The following CRYBA4 variants were observed in gnomAD, a reference collection of about 807,000 sequenced individuals.
CRYBA4 encodes the protein beta-crystallin A4.
CRYBA4 carries 30 observed loss-of-function variants against 31.7 expected under a neutral mutation model. That is an observed-to-expected ratio of 0.95 (90% CI 0.71 to 1.28). The LOEUF (loss-of-function observed/expected upper bound fraction) is 1.28. Ranked by LOEUF, CRYBA4 falls within the 50% of genes most tolerant of loss-of-function variation. CRYBA4 has a pLI of 0.00. For synonymous variants in CRYBA4, 102 were observed against 102.3 expected (o/e 1.00, Z 0.02); for missense variants, 225 against 260.7 (o/e 0.86, Z 0.94).
upstream of CRYBA4, chr22:26,618,024 C>G (rs1929413895): frequency 6.5e-6 from 1 of 153,306 alleles, no homozygotes; most frequent in Non-Finnish European, 1.5e-5. Flanking sequence ...CGGGCAGGTG[C>G]TATGGGTGAC....
At chr22:26,615,640 A>G in the CRYBA4 span, among the ~76,000 whole-genome samples, 1 of 151,762 alleles carries the variant, frequency 6.6e-6, no homozygotes, top group Non-Finnish European at 1.5e-5. Context: ...CAGCCTCCCA[A>G]GTAGCTGGGA....
the CRYBA4 span, chr22:26,601,879 G>C: frequency 6.2e-7 from 1 of 1,611,930 alleles, no homozygotes; most frequent in African/African-American, 1.3e-5. Flanking sequence ...GGATGCTTAC[G>C]TTCCACTGGA....
the CRYBA4 span, among the ~76,000 whole-genome samples, chr22:26,595,579 CAAA>C: frequency 1.0e-4 from 13 of 126,182 alleles, no homozygotes; most frequent in Non-Finnish European, 1.0e-4. Flanking sequence ...AACTCCGTCT[CAAA>C]AAAAAAAAAA....
chr22:26,616,792 T>C, the CRYBA4 span, among the ~76,000 whole-genome samples: 1 of 152,178 alleles, frequency 6.6e-6, no homozygotes, highest in African/African-American at 2.4e-5. Context: ...GAGTAGCTGC[T>C]ATCATGATCC....
At chr22:26,604,140 G>A in the CRYBA4 span, among the ~76,000 whole-genome samples, 2 of 11,684 alleles carry the variant, frequency 1.7e-4, no homozygotes, top group Admixed American at 2.2e-3. Flanking sequence ...ACAGGAAATA[G>A]CAGAGTGATG....
At chr22:26,598,620 G>A in the CRYBA4 span, among the ~76,000 whole-genome samples, 23 of 152,176 alleles carry the variant, frequency 1.5e-4, no homozygotes, top group Non-Finnish European at 4.4e-5. Context: ...CTGACTTCAA[G>A]TGATCTACCC....
the CRYBA4 span, chr22:26,601,973 C>G: frequency 2.0e-5 from 32 of 1,613,582 alleles, no homozygotes; most frequent in Non-Finnish European, 2.6e-5. Flanking sequence ...ATGGTGTTGC[C>G]CTTGAAGTTG....
At chr22:26,628,706 C>T (rs1055867974) in intron 5 of CRYBA4, among the ~76,000 whole-genome samples, 9 of 152,210 alleles carry the variant, frequency 5.9e-5, no homozygotes, top group Admixed American at 5.9e-4. Context: ...CCCACAACCC[C>T]CAACCTGTTG....
intron 1 of CRYBA4, 29 bp downstream of exon 1, chr22:26,622,015 G>A: frequency 1.0e-6 from 1 of 985,542 alleles, no homozygotes; most frequent in Non-Finnish European, 1.2e-6. Context: ...GGAGGGGTGG[G>A]ATCAGAGTTC....
At chr22:26,628,989 C>CT (rs750921924) in intron 5 of CRYBA4, among the ~76,000 whole-genome samples, 32 of 152,322 alleles carry the variant, frequency 2.1e-4, no homozygotes, top group Non-Finnish European at 4.3e-4. Context: ...CTCACCTTGG[C>CT]TGAGAGTGAG....
In CRYBA4 at chr22:26,630,446, C is replaced by T. The variant is rs1336387353; in HGVS notation, c.550C>T (p.Pro184Ser). 1.2e-6 allele frequency: 2 copies of T among 1,614,054 alleles called. No homozygotes were observed. The highest frequency in any genetic ancestry group is 1.7e-6 in the Non-Finnish European group (2 of 1,180,022). The change falls in exon 6 of 6, where the codon CCG (proline) becomes TCG (serine). Residue 184 changes from proline (P) to serine (S), a missense_variant. Physicochemically the swap from Pro to Ser is moderately conservative, Grantham distance 74. Coordinates refer to ENST00000354760, the MANE Select transcript of CRYBA4 (RefSeq NM_001886.3). ...TTTCCGGGAGTGGGGCTCTCATGCC[C>T]CGACCTTCCAGGTGCAGAGCATCCG... Reference protein sequence around the residue: ...KHFREWGSHAPTFQVQSIRRI... With the variant: ...KHFREWGSHASTFQVQSIRRI...
chr22:26,626,214 C>T (rs1025951920), intron 4 of CRYBA4, among the ~76,000 whole-genome samples: 4 of 152,074 alleles, frequency 2.6e-5, no homozygotes, highest in Non-Finnish European at 4.4e-5. Flanking sequence ...TCAGCTTGGC[C>T]AACATGGTGA....
the CRYBA4 span, among the ~76,000 whole-genome samples, chr22:26,601,487 A>G: frequency 6.6e-6 from 1 of 151,820 alleles, no homozygotes; most frequent in Non-Finnish European, 1.5e-5. Flanking sequence ...TTCACTGCTC[A>G]GAACTCATTC....
the CRYBA4 span, among the ~76,000 whole-genome samples, chr22:26,605,266 T>C: frequency 6.6e-6 from 1 of 152,220 alleles, no homozygotes; most frequent in Non-Finnish European, 1.5e-5. Context: ...TGGATTTTTA[T>C]GATTAGCTTT....
intron 5 of CRYBA4, among the ~76,000 whole-genome samples, chr22:26,629,624 C>G (rs1360789791): frequency 6.6e-6 from 1 of 150,828 alleles, no homozygotes; most frequent in African/African-American, 2.4e-5. Context: ...TGCCTCTAGT[C>G]CCAGCCACTC....
chr22:26,616,545 C>T, the CRYBA4 span, among the ~76,000 whole-genome samples: 1 of 152,330 alleles, frequency 6.6e-6, no homozygotes, highest in Middle Eastern at 3.4e-3. Context: ...TATATCCTTC[C>T]TCCAGGCTTT....
At chr22:26,616,124 AC>A in the CRYBA4 span, 2 of 1,611,224 alleles carry the variant, frequency 1.2e-6, no homozygotes, top group East Asian at 2.2e-5. Context: ...CAGCCACTGC[AC>A]CCCCAGGTCC....
intron 5 of CRYBA4, among the ~76,000 whole-genome samples, chr22:26,628,828 A>G (rs1929830937): frequency 6.6e-6 from 1 of 152,120 alleles, no homozygotes; most frequent in African/African-American, 2.4e-5. Context: ...GTCCAGGCTC[A>G]GTGATTCTAT....
chr22:26,592,260 T>C, the CRYBA4 span, among the ~76,000 whole-genome samples: 1 of 152,318 alleles, frequency 6.6e-6, no homozygotes, highest in East Asian at 1.9e-4. Flanking sequence ...AATGGGGGCA[T>C]TTGTTTAATA....
Sources: allele counts gnomAD v4.1 joint callset (sites outside exome capture counted in the v4.1 genomes callset), GRCh38; gene constraint gnomAD v4.1.1; transcripts MANE v1.5; gene names NCBI Gene and HGNC (gene_info 2026-07-23, HGNC 2026-07-21).